Variants in FGF12 observed in about 807,000 individuals in gnomAD.
FGF12 encodes the protein fibroblast growth factor 12, also known as fibroblast growth factor 12B.
FGF12 carries 14 observed loss-of-function variants against 23.6 expected under a neutral mutation model. The observed-to-expected ratio is 0.59, with a 90% CI of 0.39 to 0.93. The LOEUF (loss-of-function observed/expected upper bound fraction) is 0.93, where lower values mean the gene tolerates loss of function less well. FGF12 is among the 40% of genes least tolerant of loss of function. The pLI, the probability that FGF12 is intolerant of heterozygous loss-of-function variation, is 0.00. For synonymous variants in FGF12, 62 were observed against 77.3 expected, an observed-to-expected ratio of 0.80 and a Z score of 1.04; for missense variants, 175 against 217.8, an observed-to-expected ratio of 0.80 and a Z score of 1.24.
chr3:192,312,854 C>T (rs993066192), intron 4 of FGF12, among the ~76,000 whole-genome samples: 3 of 151,970 alleles, frequency 2.0e-5, no homozygotes, highest in Admixed American at 6.6e-5. Context: ...ATAGTATTAA[C>T]GTATAGTGTT....
intron 2 of FGF12, among the ~76,000 whole-genome samples, chr3:192,616,778 T>C (rs1714770637): frequency 6.6e-6 from 1 of 151,672 alleles, no homozygotes; most frequent in Admixed American, 6.6e-5. Flanking sequence ...TGTTATTCTC[T>C]GCCTTCTGCT....
intron 2 of FGF12, among the ~76,000 whole-genome samples, chr3:192,648,429 G>A (rs1294069799): frequency 7.9e-5 from 12 of 151,290 alleles, no homozygotes; most frequent in Non-Finnish European, 1.5e-4. Context: ...TCTCCCCCAC[G>A]ATATGGTCAA....
intron 5 of FGF12, among the ~76,000 whole-genome samples, chr3:192,157,214 G>C (rs1184426080): frequency 6.6e-6 from 1 of 152,194 alleles, no homozygotes; most frequent in Non-Finnish European, 1.5e-5. Context: ...ACCCAGCACA[G>C]TGAAGGTTTT....
intron 3 of FGF12, among the ~76,000 whole-genome samples, chr3:192,353,366 CT>C (rs34992097): frequency 0.27 from 25,969 of 97,746 alleles, 1,315 homozygotes; most frequent in African/African-American, 0.33. Flanking sequence ...GAGCAGAAGT[CT>C]TTTTTTTTTT....
intron 4 of FGF12, among the ~76,000 whole-genome samples, chr3:192,311,972 T>TCTA (rs1328523014): frequency 6.6e-6 from 1 of 151,690 alleles, no homozygotes; most frequent in African/African-American, 2.4e-5. Context: ...TATCTATCTA[T>TCTA]CTATCTGTTT....
intron 4 of FGF12, among the ~76,000 whole-genome samples, chr3:192,255,525 A>G (rs1339722767): frequency 8.5e-5 from 13 of 152,108 alleles, no homozygotes; most frequent in Admixed American, 5.9e-4. Flanking sequence ...CATAGCATAA[A>G]GTTTTCCAAT....
chr3:192,249,796 T>G (rs1205814682), intron 4 of FGF12, among the ~76,000 whole-genome samples: 2 of 152,174 alleles, frequency 1.3e-5, no homozygotes, highest in East Asian at 3.9e-4. Context: ...CTCTCAATGT[T>G]GTCTGAACAA....
At chr3:192,596,855 A>G (rs2108627477) in intron 2 of FGF12, among the ~76,000 whole-genome samples, 1 of 152,330 alleles carries the variant, frequency 6.6e-6, no homozygotes, top group South Asian at 2.1e-4. Context: ...TCAGCATCAG[A>G]TAGCAAGGAG....
chr3:192,576,793 C>G (rs1712913059), intron 2 of FGF12, among the ~76,000 whole-genome samples: 1 of 152,124 alleles, frequency 6.6e-6, no homozygotes, highest in South Asian at 2.1e-4. Context: ...ATAGCAAAGA[C>G]TTGGAACCAA....
At chr3:192,515,603 C>G (rs1724644028) in intron 2 of FGF12, 1 of 152,452 alleles carries the variant, frequency 6.6e-6, no homozygotes, top group Admixed American at 6.5e-5. Context: ...TGTTTGTCCC[C>G]GTGCCTTTCA....
chr3:192,347,683 G>T (rs948777107), intron 3 of FGF12, among the ~76,000 whole-genome samples: 1 of 152,118 alleles, frequency 6.6e-6, no homozygotes, highest in African/African-American at 2.4e-5. Flanking sequence ...AGAAAAGAAG[G>T]TTGGTCTAAG....
At chr3:192,652,551 G>A (rs7426991) in intron 2 of FGF12, among the ~76,000 whole-genome samples, 86,765 of 152,010 alleles carry the variant, frequency 0.57, 25,170 homozygotes, top group East Asian at 0.67. Flanking sequence ...TCTTGGCTTC[G>A]GAATATCCTT....
intron 3 of FGF12, among the ~76,000 whole-genome samples, chr3:192,351,604 C>T (rs1718223295): frequency 6.6e-6 from 1 of 152,186 alleles, no homozygotes; most frequent in Non-Finnish European, 1.5e-5. Flanking sequence ...ATTCCCCCTT[C>T]CCAAGCATGC....
chr3:192,174,252 C>G (rs944872028), intron 4 of FGF12, among the ~76,000 whole-genome samples: 1 of 152,294 alleles, frequency 6.6e-6, no homozygotes, highest in East Asian at 1.9e-4. Flanking sequence ...CCCGGAACAG[C>G]AAAAATCAGA....
intron 2 of FGF12, among the ~76,000 whole-genome samples, chr3:192,608,699 T>C (rs994626205): frequency 6.6e-6 from 1 of 152,120 alleles, no homozygotes; most frequent in African/African-American, 2.4e-5. Context: ...AAGCAGATGA[T>C]TTCATTATTG....
intron 2 of FGF12, among the ~76,000 whole-genome samples, chr3:192,643,789 G>T (rs1169459030): frequency 6.6e-6 from 1 of 152,082 alleles, no homozygotes; most frequent in Admixed American, 6.5e-5. Context: ...ATCAAATAAG[G>T]GAAACTTCTT....
chr3:192,143,898 C>T lies in FGF12; in HGVS notation c.*111G>A, dbSNP rs1000336061. On this transcript the variant is annotated 3_prime_UTR_variant, in exon 6 of 6. Transcript: ENST00000445105. ...GCAGAATCTTAGCCACTAGGTCTTG[C>T]GTTGTCATTTTATTTTCCTCTCCTT... The T allele has an allele frequency of 1.8e-5, 13 of 716,894 alleles. No individual in the cohort carries two copies. The highest frequency in any genetic ancestry group is 2.7e-5 in the Non-Finnish European group (11 of 406,338). The allele number at this position is 716,894 out of a possible 1,614,324, so 44.4% of individuals were successfully genotyped here. A position where few individuals can be genotyped will look rare whatever the true frequency, so the allele number is the denominator to read the frequency against.
chr3:192,251,451 A>G (rs9853281), intron 4 of FGF12, among the ~76,000 whole-genome samples: 50,136 of 152,044 alleles, frequency 0.33, 9,446 homozygotes, highest in East Asian at 0.89. Context: ...AAAGCTAAAC[A>G]TAGGTAGCCT....
At chr3:192,328,922 T>C (rs998162806) in intron 4 of FGF12, among the ~76,000 whole-genome samples, 1 of 152,226 alleles carries the variant, frequency 6.6e-6, no homozygotes, top group African/African-American at 2.4e-5. Flanking sequence ...GAGATTGCTT[T>C]GAGGACAAAC....
Sources: gnomAD v4.1 joint callset for allele counts (sites outside exome capture counted in the v4.1 genomes callset) on GRCh38, gnomAD v4.1.1 for gene constraint, MANE v1.5 for transcripts, NCBI Gene and HGNC (gene_info 2026-07-23, HGNC 2026-07-21) for gene names.